Variants in MAPK14 observed in about 807,000 individuals in gnomAD.
MAPK14 encodes the protein mitogen-activated protein kinase 14.
Under a neutral mutation model 49.6 loss-of-function variants are expected in MAPK14, and 16 were observed. The ratio of observed to expected loss-of-function variants is 0.32; its 90% CI spans 0.22 to 0.49. The LOEUF is 0.49. MAPK14 is among the 20% of genes least tolerant of loss of function. The pLI, the probability that MAPK14 is intolerant of heterozygous loss-of-function variation, is 0.99. For missense variants in MAPK14, 200 were observed against 441.2 expected (o/e 0.45, Z 4.90); for synonymous variants, 142 against 158.0 (o/e 0.90, Z 0.76).
At chr6:36,088,203 G>T (rs1281223143) in intron 8 of MAPK14, among the ~76,000 whole-genome samples, 1 of 152,110 alleles carries the variant, frequency 6.6e-6, no homozygotes, top group Non-Finnish European at 1.5e-5. Flanking sequence ...ATATCATTAA[G>T]GACATAGACA....
rs771947318 is a variant in MAPK14 at position 36,107,673 on chromosome 6, A to T, written c.1015+45A>T. ...TTAACATCTTGAACCACTAACCAAA[A>T]GCGGTGGGAAAAATAAAAACTGAAT... On this transcript the variant is annotated intron_variant, in intron 11 of 11. Coordinates refer to ENST00000229794, the MANE Select transcript of MAPK14 (RefSeq NM_139012.3). This position sits in a 1 kb window ranked among gnomAD's most constrained non-coding sequence, Gnocchi z 4.3. 2.1e-6 allele frequency: 3 copies of T among 1,417,780 alleles called. No individual in the cohort carries two copies. In the African/African-American group the frequency reaches 4.3e-5, roughly 20 times the overall value. 87.8% of individuals were successfully genotyped at this position (1,417,780 alleles called of 1,614,324 possible). A position where few individuals can be genotyped will look rare whatever the true frequency, so the allele number is the denominator to read the frequency against.
chr6:36,032,311 A>G (rs1562093738), intron 1 of MAPK14, among the ~76,000 whole-genome samples: 1 of 152,214 alleles, frequency 6.6e-6, no homozygotes, highest in East Asian at 1.9e-4. Context: ...ATAGAGTTTT[A>G]CAAATATGCC....
chr6:36,123,359 GCCTCTAGGCCTTC>G, the MAPK14 span, among the ~76,000 whole-genome samples: 1 of 152,256 alleles, frequency 6.6e-6, no homozygotes, highest in East Asian at 1.9e-4. Context: ...CAAGGATGAG[GCCTCTAGGCCTTC>G]CCTCAGGGAG....
chr6:36,038,938 A>T (rs1762850602), intron 1 of MAPK14, among the ~76,000 whole-genome samples: 1 of 152,136 alleles, frequency 6.6e-6, no homozygotes, highest in Admixed American at 6.6e-5. Flanking sequence ...TTCTTTCAAC[A>T]GTTAAACATT....
At chr6:36,046,490 A>G (rs1763184626) in intron 1 of MAPK14, among the ~76,000 whole-genome samples, 1 of 152,224 alleles carries the variant, frequency 6.6e-6, no homozygotes, top group African/African-American at 2.4e-5. Flanking sequence ...AAAAGTTATT[A>G]CATTTAATCC....
At chr6:36,048,024 C>G (rs1763250358) in intron 1 of MAPK14, among the ~76,000 whole-genome samples, 1 of 151,490 alleles carries the variant, frequency 6.6e-6, no homozygotes, top group South Asian at 2.1e-4. Flanking sequence ...CTGCGCCTGG[C>G]TGCCTAATTT....
Position 36,028,764 on chromosome 6 carries a change from T to A in MAPK14, c.116+491T>A. 6.8e-6 allele frequency among the ~76,000 whole-genome samples: 1 copy of A among 147,460 alleles called. No individual in the cohort carries two copies. Among genetic ancestry groups the A allele is most frequent in the Admixed American group, 7.0e-5 (1 of 14,358 alleles). The stretch of plus-strand genomic sequence containing the variant: ...AAGACTGCGGTCATCTGAACAAAAC[T>A]GACCAGGAAGGGAGCTCTCTCCGGG... On this transcript the variant is annotated intron_variant, in intron 1 of 11. Transcript: ENST00000229794. This position sits in a 1 kb window ranked among gnomAD's most constrained non-coding sequence, Gnocchi z 5.1.
At position 36,059,325 on chromosome 6, in the gene MAPK14, T is replaced by G. The variant is rs761097908; in HGVS notation, c.283T>G (p.Ser95Ala). ...GLLDVFTPAR[S>A]LEEFNDVYLV... ...GTTGGACGTTTTTACACCTGCAAGGTCTCTGGAGGAATTCAATGATGTGTG... is the reference window on the plus strand; with the variant it reads ...GTTGGACGTTTTTACACCTGCAAGGGCTCTGGAGGAATTCAATGATGTGTG... The change falls in exon 3 of 12, where the codon TCT (serine) becomes GCT (alanine). Residue 95 changes from serine (S) to alanine (A), a missense_variant. Transcript: ENST00000229794. 5 of 1,612,284 alleles carry G rather than the reference T, an allele frequency of 3.1e-6. No homozygotes were observed. Among genetic ancestry groups the G allele is most frequent in the Middle Eastern group, 1.6e-4 (1 of 6,074 alleles).
At position 36,065,363 on chromosome 6, in the gene MAPK14, C is replaced by T. The variant is rs146569789; in HGVS notation, c.305+6016C>T. On this transcript the variant is annotated intron_variant, in intron 3 of 11. Coordinates refer to ENST00000229794, the MANE Select transcript of MAPK14 (RefSeq NM_139012.3). ...GCTAAAGGACTGCATAGTATGGCCACCTAACCCAGACATGGGGTGTCTTCA... is the reference window on the plus strand; with the variant it reads ...GCTAAAGGACTGCATAGTATGGCCATCTAACCCAGACATGGGGTGTCTTCA... Among the ~76,000 whole-genome samples, 10 of 152,214 alleles carry T rather than the reference C, an allele frequency of 6.6e-5. No individual in the cohort carries two copies. The East Asian group carries it at 1.9e-3, about 29-fold the overall frequency.
intron 1 of MAPK14, among the ~76,000 whole-genome samples, chr6:36,046,877 G>C (rs1160835391): frequency 6.6e-6 from 1 of 152,214 alleles, no homozygotes; most frequent in Non-Finnish European, 1.5e-5. Flanking sequence ...TAATCAGTCA[G>C]ATCAGCTAGA....
chr6:36,045,745 C>T (rs1277405657), intron 1 of MAPK14, among the ~76,000 whole-genome samples: 1 of 140,992 alleles, frequency 7.1e-6, no homozygotes, highest in Non-Finnish European at 1.5e-5. Flanking sequence ...GGAGGCGGTG[C>T]TTGCAGTGAG....
At chr6:36,113,704 T>C (rs183412327), downstream of MAPK14, among the ~76,000 whole-genome samples, 807 of 152,370 alleles carry the variant, frequency 5.3e-3, 6 homozygotes, top group Non-Finnish European at 6.5e-3. Context: ...TACCTTTTTT[T>C]ACACTGAGAG....
chr6:36,069,087 CTTAATTTACT>C (rs1320109968), intron 3 of MAPK14, among the ~76,000 whole-genome samples: 9 of 152,166 alleles, frequency 5.9e-5, no homozygotes, highest in African/African-American at 7.2e-5. Flanking sequence ...TCTAACCTTC[CTTAATTTACT>C]TTAATTTACT....
intron 1 of MAPK14, among the ~76,000 whole-genome samples, chr6:36,040,009 AAAAG>A (rs1401843949): frequency 3.3e-5 from 5 of 152,200 alleles, no homozygotes; most frequent in South Asian, 4.1e-4. Flanking sequence ...AAAAAAAAAA[AAAAG>A]AAAGTATCAG....
chr6:36,102,808 A>ATT, intron 10 of MAPK14, 159 bp downstream of exon 10: 3 of 1,287,454 alleles, frequency 2.3e-6, no homozygotes, highest in Non-Finnish European at 3.1e-6. Context: ...GTGTTGTCAG[A>ATT]TTTTTTTTTA....
chr6:36,031,163 C>T (rs1338042959), intron 1 of MAPK14, among the ~76,000 whole-genome samples: 1 of 150,994 alleles, frequency 6.6e-6, no homozygotes, highest in East Asian at 2.0e-4. Context: ...TACAGGTGCC[C>T]GCCACCATAC....
chr6:36,084,259 C>T (rs140868678), intron 8 of MAPK14, among the ~76,000 whole-genome samples: 60 of 152,296 alleles, frequency 3.9e-4, no homozygotes, highest in African/African-American at 1.4e-3. Flanking sequence ...TGAAAAAACG[C>T]TGAAAACTCA....
Position 36,095,983 on chromosome 6 carries a change from T to C in MAPK14, c.683-4T>C, listed in dbSNP as rs1267230484. 1.3e-6 allele frequency: 2 copies of C among 1,577,778 alleles called. No homozygotes were observed. Among genetic ancestry groups the C allele is most frequent in the Admixed American group, 1.7e-5 (1 of 58,956 alleles). ...CAACATTTTCCTTTATGGTCCACCATTAGATATTGATCAGTTGAAGCTCAT... is the reference window on the plus strand; with the variant it reads ...CAACATTTTCCTTTATGGTCCACCACTAGATATTGATCAGTTGAAGCTCAT... On this transcript the variant is annotated splice_polypyrimidine_tract_variant and splice_region_variant and intron_variant, in intron 8 of 11. Transcript: ENST00000229794.
In MAPK14 at chr6:36,027,825, C is replaced by A; in HGVS notation, c.-333C>A. Reference sequence around the variant, plus strand: ...CCGCGACCACTGGAGCCTTAGCGGGCGCAGCAGCTGGAACGGGAGTACTGC... The same window carrying A: ...CCGCGACCACTGGAGCCTTAGCGGGAGCAGCAGCTGGAACGGGAGTACTGC... On this transcript the variant is annotated 5_prime_UTR_variant, in exon 1 of 12. Coordinates refer to ENST00000229794, the MANE Select transcript of MAPK14 (RefSeq NM_139012.3). 1 of 400,752 alleles carries A rather than the reference C, an allele frequency of 2.5e-6. No homozygotes were observed. Among genetic ancestry groups the A allele is most frequent in the Non-Finnish European group, 4.4e-6 (1 of 227,680 alleles). 24.8% of individuals were successfully genotyped at this position (400,752 alleles called of 1,614,324 possible).
Sources: gnomAD v4.1 joint callset for allele counts (sites outside exome capture counted in the v4.1 genomes callset) on GRCh38, gnomAD v4.1.1 for gene constraint, Gnocchi (gnomAD v3.1) non-coding constraint, MANE v1.5 for transcripts, NCBI Gene and HGNC (gene_info 2026-07-23, HGNC 2026-07-21) for gene names.